Variants in SCAF8 observed in about 807,000 individuals in gnomAD.
The protein encoded by SCAF8 is SR-related and CTD-associated factor 8.
A neutral mutation model predicts 140.5 loss-of-function variants in SCAF8; 23 were observed. The ratio of observed to expected loss-of-function variants is 0.16; its 90% CI spans 0.12 to 0.23. The LOEUF (loss-of-function observed/expected upper bound fraction) is 0.23, where lower values mean the gene tolerates loss of function less well. Ranked by LOEUF, SCAF8 falls within the 10% of genes least tolerant of loss-of-function variation. The pLI is 1.00. For synonymous variants in SCAF8, 575 were observed against 528.9 expected (o/e 1.09, Z -1.20); for missense variants, 1,397 against 1,555.7 (o/e 0.90, Z 1.72).
At chr6:154,820,138 T>G (rs1366551134) in intron 14 of SCAF8, 39 bp from the exon 15 acceptor site, 1 of 1,504,514 alleles carries the variant, frequency 6.6e-7, no homozygotes, top group East Asian at 2.3e-5. Flanking sequence ...ATAGTATGTA[T>G]GTATAACCTT....
chr6:154,745,147 T>TG (rs1437554182), intron 1 of SCAF8, among the ~76,000 whole-genome samples: 5 of 152,220 alleles, frequency 3.3e-5, no homozygotes, highest in Non-Finnish European at 1.5e-5. Flanking sequence ...TGTGAATCAA[T>TG]TGGTTACTCC....
intron 3 of SCAF8, among the ~76,000 whole-genome samples, chr6:154,787,018 A>G (rs191556289): frequency 1.3e-5 from 2 of 152,344 alleles, no homozygotes; most frequent in Admixed American, 1.3e-4. Context: ...AGGATTCTTC[A>G]TTGTGCTTCC....
At chr6:154,796,353 TTCTCTCTC>T (rs532893908) in intron 6 of SCAF8, among the ~76,000 whole-genome samples, 113 of 75,252 alleles carry the variant, frequency 1.5e-3, no homozygotes, top group South Asian at 3.6e-3. Flanking sequence ...TGCAATCCTG[TTCTCTCTC>T]TCTCTCTCTC....
At chr6:154,764,598 G>A (rs1167521039) in intron 1 of SCAF8, among the ~76,000 whole-genome samples, 1 of 152,164 alleles carries the variant, frequency 6.6e-6, no homozygotes, top group Non-Finnish European at 1.5e-5. Context: ...GGGATCAGCA[G>A]CCACTTAAGA....
At chr6:154,745,038 T>C (rs1778662257) in intron 1 of SCAF8, among the ~76,000 whole-genome samples, 1 of 152,242 alleles carries the variant, frequency 6.6e-6, no homozygotes. Flanking sequence ...TACTGTTGTC[T>C]GTAGATCATA....
At position 154,808,190 on chromosome 6, in the gene SCAF8, A is replaced by G. The variant is rs1402131779; in HGVS notation, c.1102A>G (p.Ile368Val). Reference sequence around the variant, plus strand: ...AGTCAATTTGGATGATTCCATAGATATTCAGCAACAGGTAAAAGTAAATGT... The same window carrying G: ...AGTCAATTTGGATGATTCCATAGATGTTCAGCAACAGGTAAAAGTAAATGT... Reference protein sequence around the residue: ...PEVNLDDSIDIQQQDMDIDEG... With the variant: ...PEVNLDDSIDVQQQDMDIDEG... Residue 368 changes from isoleucine to valine, a missense_variant, in exon 10 of 20, where the codon ATT (isoleucine) becomes GTT (valine). Around this residue, in one of 5 missense-constraint regions of SCAF8, gnomAD observed 339 missense variants for 407.5 expected, o/e 0.83. Coordinates refer to ENST00000367178, the MANE Select transcript of SCAF8 (RefSeq NM_014892.5). 6.2e-7 allele frequency: 1 copy of G among 1,613,282 alleles called. No homozygotes were observed. Among genetic ancestry groups the G allele is most frequent in the Non-Finnish European group, 8.5e-7 (1 of 1,179,608 alleles).
chr6:154,802,120 C>T lies in SCAF8; in HGVS notation c.756C>T (p.Pro252=). 1 of 1,603,788 alleles carries T rather than the reference C, an allele frequency of 6.2e-7. No homozygotes were observed. Among genetic ancestry groups the T allele is most frequent in the Non-Finnish European group, 8.5e-7 (1 of 1,176,034 alleles). The change falls in exon 7 of 20, where the codon CCC becomes CCT. Residue 252 remains proline (P), a synonymous_variant. Coordinates refer to ENST00000367178, the MANE Select transcript of SCAF8 (RefSeq NM_014892.5). The part of the protein sequence containing the change: ...AAAAAANTLT[P]LEQGVSFNKK... ...CTGCAGCTGCCAACACTCTTACTCCCTTAGAACAGGGAGTCTCCTTTAACA... is the reference window on the plus strand; with the variant it reads ...CTGCAGCTGCCAACACTCTTACTCCTTTAGAACAGGGAGTCTCCTTTAACA...
intron 1 of SCAF8, among the ~76,000 whole-genome samples, chr6:154,739,057 C>T (rs1778501190): frequency 6.6e-6 from 1 of 152,172 alleles, no homozygotes; most frequent in Non-Finnish European, 1.5e-5. Flanking sequence ...AGGATCATAG[C>T]TTACTGTAAC....
intron 3 of SCAF8, among the ~76,000 whole-genome samples, chr6:154,784,120 GATATATATAT>G (rs72135986): frequency 0.013 from 1,368 of 106,860 alleles, 73 homozygotes; most frequent in African/African-American, 0.04. Flanking sequence ...GGTGTCTTGA[GATATATATAT>G]ATATATATAT....
chr6:154,804,597 C>G (rs1210699435), intron 8 of SCAF8, among the ~76,000 whole-genome samples: 1 of 152,102 alleles, frequency 6.6e-6, no homozygotes, highest in Non-Finnish European at 1.5e-5. Context: ...CTTTCTGAAG[C>G]AAGGAATCAA....
chr6:154,742,073 A>T (rs79047815), intron 1 of SCAF8: 10 of 1,180,042 alleles, frequency 8.5e-6, no homozygotes, highest in Non-Finnish European at 1.2e-5. Flanking sequence ...TTAGGTTTCA[A>T]TTGGTAGTGG....
intron 3 of SCAF8, among the ~76,000 whole-genome samples, chr6:154,784,539 G>T (rs996698489): frequency 5.9e-5 from 9 of 152,198 alleles, no homozygotes; most frequent in African/African-American, 2.2e-4. Context: ...AGCCTATTGG[G>T]ATCAAAATTT....
At position 154,797,695 on chromosome 6, in the gene SCAF8, A is replaced by G. The variant is rs1473353840; in HGVS notation, c.606+2556A>G. The stretch of plus-strand genomic sequence containing the variant: ...AGGTGTGAACCACCGTGCCCAGCCT[A>G]TCAATGATCTTGTATGTTTTAAACT... On this transcript the variant is annotated intron_variant, in intron 6 of 19. Coordinates refer to ENST00000367178, the MANE Select transcript of SCAF8 (RefSeq NM_014892.5). Among the ~76,000 whole-genome samples, 5 of 151,526 alleles carry G rather than the reference A, an allele frequency of 3.3e-5. No homozygotes were observed. In the South Asian group the frequency reaches 8.3e-4, roughly 25 times the overall value.
In SCAF8 at chr6:154,820,273, G is replaced by A; in HGVS notation, c.1732G>A (p.Val578Met). Residue 578 changes from valine (V) to methionine (M), a missense_variant, in exon 15 of 20, where the codon GTG becomes ATG. This residue lies in a region of SCAF8 where 930 missense variants were observed against 874.6 expected (regional missense o/e 1.06). Coordinates refer to ENST00000367178, the MANE Select transcript of SCAF8 (RefSeq NM_014892.5). ...ATATATACCATGGGAAAAAGTTAAA[G>A]TGGATGACTTGGAAGGTTTTGCAGA... ...VTYIPWEKVK[V>M]DDLEGFAEGG... 1.2e-6 allele frequency: 2 copies of A among 1,612,670 alleles called. No homozygotes were observed. Among genetic ancestry groups the A allele is most frequent in the African/African-American group, 1.3e-5 (1 of 74,914 alleles).
chr6:154,766,657 G>A (rs1346049225), intron 1 of SCAF8, among the ~76,000 whole-genome samples: 22 of 116,310 alleles, frequency 1.9e-4, no homozygotes, highest in African/African-American at 8.3e-4. Flanking sequence ...CCCTCCAGCA[G>A]CACCCCCCCC....
intron 16 of SCAF8, among the ~76,000 whole-genome samples, chr6:154,823,632 A>G (rs912019418): frequency 4.6e-5 from 7 of 152,162 alleles, no homozygotes; most frequent in Non-Finnish European, 1.0e-4. Context: ...AGACTGGGAA[A>G]GACTGTGAGA....
At chr6:154,808,574 T>TTAA in intron 10 of SCAF8, 112 bp from the exon 11 acceptor site, 1 of 697,820 alleles carries the variant, frequency 1.4e-6, no homozygotes, top group Non-Finnish European at 2.5e-6. Context: ...TGGACACCCC[T>TTAA]GTATTAGGCA....
At chr6:154,741,446 G>C (rs557261206) in intron 1 of SCAF8, among the ~76,000 whole-genome samples, 3 of 151,090 alleles carry the variant, frequency 2.0e-5, no homozygotes, top group African/African-American at 7.3e-5. Flanking sequence ...TTGCTTCTTC[G>C]CCCGGGCTGG....
At chr6:154,797,721 T>G (rs1482187006) in intron 6 of SCAF8, among the ~76,000 whole-genome samples, 1 of 151,462 alleles carries the variant, frequency 6.6e-6, no homozygotes, top group African/African-American at 2.4e-5. Flanking sequence ...GTTTTAAACT[T>G]AAGCTCAGGA....
Sources: allele counts gnomAD v4.1 joint callset (sites outside exome capture counted in the v4.1 genomes callset), GRCh38; gene constraint gnomAD v4.1.1; regional missense constraint gnomAD v4.1.1; transcripts MANE v1.5; gene names NCBI Gene and HGNC (gene_info 2026-07-23, HGNC 2026-07-21).